The following PCDH15 variants were observed in gnomAD, a reference collection of about 807,000 sequenced individuals.
The protein encoded by PCDH15 is protocadherin related 15, also known as protocadherin-15.
A neutral mutation model predicts 178.5 loss-of-function variants in PCDH15; 129 were observed. The observed-to-expected ratio is 0.72, with a 90% CI of 0.63 to 0.84. The LOEUF (loss-of-function observed/expected upper bound fraction) is 0.84. PCDH15 is among the 40% of genes least tolerant of loss of function. The pLI is 0.00. For missense variants in PCDH15, 2,230 were observed against 2,099.9 expected, an observed-to-expected ratio of 1.06 and a Z score of -1.21; for synonymous variants, 800 against 732.0, an observed-to-expected ratio of 1.09 and a Z score of -1.50.
At chr10:54,102,906 A>G (rs1470426318) in intron 15 of PCDH15, among the ~76,000 whole-genome samples, 3 of 152,226 alleles carry the variant, frequency 2.0e-5, no homozygotes, top group Non-Finnish European at 4.4e-5. Flanking sequence ...TGGGTCCCCA[A>G]GAATCAACGT....
intron 23 of PCDH15, among the ~76,000 whole-genome samples, chr10:53,944,426 C>G (rs2086353108): frequency 6.6e-6 from 1 of 152,072 alleles, no homozygotes; most frequent in Non-Finnish European, 1.5e-5. Flanking sequence ...ATTTCAGAAG[C>G]AATGAATTAT....
chr10:55,339,910 A>G (rs1333483242), intron 2 of PCDH15, among the ~76,000 whole-genome samples: 1 of 151,768 alleles, frequency 6.6e-6, no homozygotes, highest in Non-Finnish European at 1.5e-5. Flanking sequence ...CACCAATGAA[A>G]TCTTACCTGG....
intron 5 of PCDH15, among the ~76,000 whole-genome samples, chr10:54,348,026 T>C (rs758708465): frequency 8.6e-5 from 13 of 151,840 alleles, no homozygotes; most frequent in African/African-American, 1.5e-4. Context: ...TTTTTTGTAT[T>C]TTTAGTAGAG....
rs140647916 is a variant in PCDH15 at position 55,601,746 on chromosome 10, G to C, written c.-156+25879C>G. 5.2e-3 allele frequency among the ~76,000 whole-genome samples: 792 copies of C among 152,260 alleles called. 6 individuals carry two copies. The highest frequency in any genetic ancestry group is 9.2e-3 in the Non-Finnish European group (629 of 68,002). ...GAATTTCATGTAAGAAAAATCTTCA[G>C]ATAGTATTGAAAAATTCATATACTG... On this transcript the variant is annotated intron_variant, in intron 2 of 5. Transcript: ENST00000613346.
chr10:54,066,673 TGA>T, intron 18 of PCDH15, 82 bp downstream of exon 18: 1 of 1,388,090 alleles, frequency 7.2e-7, no homozygotes, highest in Non-Finnish European at 1.0e-6. Flanking sequence ...TTACATTAGC[TGA>T]GTTTCTTTTG....
rs200652541 is a variant in PCDH15, at chr10:54,147,688, TAATA to T, written c.1784+5408_1784+5411del. On this transcript the variant is annotated intron_variant, in intron 14 of 37. Transcript: ENST00000644397. ...TTGGTTTTATTTTAATATTCAAGAC[TAATA>T]AATTAAAAGTCTTGAATATTAAAAG... Among the ~76,000 whole-genome samples, 926 of 151,972 alleles carry T rather than the reference TAATA, an allele frequency of 6.1e-3. 5 individuals carry two copies. Among genetic ancestry groups the T allele is most frequent in the African/African-American group, 0.021 (857 of 41,508 alleles).
intron 25 of PCDH15, among the ~76,000 whole-genome samples, chr10:53,909,914 G>A (rs1382849025): frequency 2.6e-5 from 4 of 152,220 alleles, no homozygotes; most frequent in Admixed American, 2.6e-4. Context: ...TAGTGCAGCA[G>A]TCTGAGATCA....
chr10:53,810,721 C>T (rs1564514597), intron 36 of PCDH15, 57 bp from the exon 37 acceptor site: 2 of 1,429,902 alleles, frequency 1.4e-6, no homozygotes, highest in Admixed American at 3.3e-5. Context: ...GTAGAATCTA[C>T]CATGAGTGAT....
At chr10:54,930,925 T>C (rs543871950) in intron 2 of PCDH15, among the ~76,000 whole-genome samples, 1 of 152,212 alleles carries the variant, frequency 6.6e-6, no homozygotes, top group Admixed American at 6.5e-5. Context: ...GCAATTTTTG[T>C]CTCTTATGAA....
chr10:54,222,212 T>G (rs888596890), intron 9 of PCDH15, among the ~76,000 whole-genome samples: 3 of 152,226 alleles, frequency 2.0e-5, no homozygotes, highest in Admixed American at 6.5e-5. Context: ...TATGTCTAAA[T>G]GTTTTATTAA....
At chr10:55,268,292 T>C (rs1031900438) in intron 1 of PCDH15, among the ~76,000 whole-genome samples, 2 of 152,160 alleles carry the variant, frequency 1.3e-5, no homozygotes, top group African/African-American at 4.8e-5. Flanking sequence ...AACATAGTAA[T>C]ATCTGACTCC....
intron 2 of PCDH15, among the ~76,000 whole-genome samples, chr10:55,340,052 T>C (rs1217629782): frequency 6.6e-6 from 1 of 151,742 alleles, no homozygotes; most frequent in Admixed American, 6.6e-5. Flanking sequence ...AATTGAATTG[T>C]ATATTTTTAA....
At chr10:55,390,438 C>A (rs1837764931) in intron 2 of PCDH15, among the ~76,000 whole-genome samples, 1 of 152,110 alleles carries the variant, frequency 6.6e-6, no homozygotes, top group South Asian at 2.1e-4. Flanking sequence ...CAAAAGATTT[C>A]TCTGTAGCAT....
intron 2 of PCDH15, among the ~76,000 whole-genome samples, chr10:55,022,489 T>A (rs1840355880): frequency 6.6e-6 from 1 of 151,770 alleles, no homozygotes; most frequent in Admixed American, 6.6e-5. Context: ...TATTATGTAT[T>A]CTTACCACAA....
intron 3 of PCDH15, among the ~76,000 whole-genome samples, chr10:54,395,398 A>G (rs1951073536): frequency 6.7e-6 from 1 of 149,862 alleles, no homozygotes; most frequent in Non-Finnish European, 1.5e-5. Flanking sequence ...CTTAGTGACT[A>G]TTATTCCTGT....
At chr10:54,571,333 GAAAA>G (rs60604711) in intron 2 of PCDH15, among the ~76,000 whole-genome samples, 2 of 128,574 alleles carry the variant, frequency 1.6e-5, no homozygotes, top group South Asian at 2.5e-4. Flanking sequence ...GACAAAATTT[GAAAA>G]AAAAAAAAAA....
intron 5 of PCDH15, among the ~76,000 whole-genome samples, chr10:54,357,662 ACT>A (rs1228365855): frequency 1.3e-5 from 2 of 152,272 alleles, no homozygotes; most frequent in Admixed American, 1.3e-4. Context: ...GGAAAAAACT[ACT>A]TTAAAGTTCA....
intron 3 of PCDH15, among the ~76,000 whole-genome samples, chr10:54,823,663 G>A (rs1953082937): frequency 6.6e-6 from 1 of 152,002 alleles, no homozygotes; most frequent in Admixed American, 6.6e-5. Flanking sequence ...TAATAATAAT[G>A]TATCTTGTCA....
intron 28 of PCDH15, among the ~76,000 whole-genome samples, chr10:53,844,343 A>AT (rs2077841289): frequency 6.6e-6 from 1 of 152,104 alleles, no homozygotes; most frequent in Non-Finnish European, 1.5e-5. Flanking sequence ...ATGAAGGTTC[A>AT]TTAAATGCTC....
Sources: gnomAD v4.1 joint callset for allele counts (sites outside exome capture counted in the v4.1 genomes callset) on GRCh38, gnomAD v4.1.1 for gene constraint, MANE v1.5 for transcripts, NCBI Gene and HGNC (gene_info 2026-07-23, HGNC 2026-07-21) for gene names.